Variants in CDH18 observed in about 807,000 individuals in gnomAD.
The protein encoded by CDH18 is cadherin-18.
A neutral mutation model predicts 67.9 loss-of-function variants in CDH18; 31 were observed. The ratio of observed to expected loss-of-function variants is 0.46; its 90% CI spans 0.34 to 0.62. The LOEUF (loss-of-function observed/expected upper bound fraction) is 0.62. Ranked by LOEUF, CDH18 falls within the 20% of genes least tolerant of loss-of-function variation. The probability of loss-of-function intolerance (pLI) is 0.01; values close to 1 mark genes in which losing one functional copy is unlikely to be tolerated. For synonymous variants in CDH18, 362 were observed against 347.2 expected, an observed-to-expected ratio of 1.04 and a Z score of -0.48; for missense variants, 890 against 975.5, an observed-to-expected ratio of 0.91 and a Z score of 1.17.
chr5:19,946,449 T>C (rs189471528), intron 2 of CDH18, among the ~76,000 whole-genome samples: 126 of 152,288 alleles, frequency 8.3e-4, no homozygotes, highest in Admixed American at 1.8e-3. Flanking sequence ...ATAGACTGTG[T>C]TACTCCTTAT....
At chr5:20,324,719 G>A (rs1485666318) in intron 1 of CDH18, among the ~76,000 whole-genome samples, 3 of 152,150 alleles carry the variant, frequency 2.0e-5, no homozygotes, top group African/African-American at 7.2e-5. Context: ...GTTCTATGTT[G>A]TTTACAGTCC....
chr5:19,784,577 A>G (rs1390177712), intron 3 of CDH18, among the ~76,000 whole-genome samples: 5 of 152,138 alleles, frequency 3.3e-5, no homozygotes, highest in Non-Finnish European at 7.4e-5. Context: ...TCTTGTGTAC[A>G]TGTGATTTTT....
intron 5 of CDH18, among the ~76,000 whole-genome samples, chr5:19,716,147 A>G (rs182623101): frequency 6.6e-6 from 1 of 152,174 alleles, no homozygotes. Context: ...AGGAGACAAG[A>G]TAACTTGAGT....
chr5:20,394,381 G>A (rs1253230545), intron 1 of CDH18, among the ~76,000 whole-genome samples: 1 of 151,964 alleles, frequency 6.6e-6, no homozygotes, highest in Non-Finnish European at 1.5e-5. Flanking sequence ...ATCCTGCAGA[G>A]GAATAAATTT....
At chr5:19,607,405 A>T (rs1466467328) in intron 6 of CDH18, among the ~76,000 whole-genome samples, 2 of 151,446 alleles carry the variant, frequency 1.3e-5, no homozygotes, top group Non-Finnish European at 3.0e-5. Flanking sequence ...TTTTAAAGTC[A>T]TTCTATTTTC....
intron 2 of CDH18, among the ~76,000 whole-genome samples, chr5:20,098,582 T>C (rs182987406): frequency 6.6e-6 from 1 of 152,248 alleles, no homozygotes; most frequent in Admixed American, 6.5e-5. Flanking sequence ...AAATGTGCCA[T>C]GAAATATCCA....
At chr5:19,498,503 C>G (rs1046409926) in intron 11 of CDH18, among the ~76,000 whole-genome samples, 8 of 152,198 alleles carry the variant, frequency 5.3e-5, no homozygotes, top group Non-Finnish European at 1.2e-4. Context: ...CACTTCCTTG[C>G]TCACAATCCA....
intron 2 of CDH18, among the ~76,000 whole-genome samples, chr5:19,859,063 A>C (rs1438441885): frequency 6.6e-6 from 1 of 152,246 alleles, no homozygotes; most frequent in South Asian, 2.1e-4. Flanking sequence ...GTATATACCC[A>C]AAAAAACCAT....
chr5:19,497,051 A>T (rs1029030810), intron 11 of CDH18, among the ~76,000 whole-genome samples: 1 of 152,068 alleles, frequency 6.6e-6, no homozygotes, highest in Non-Finnish European at 1.5e-5. Flanking sequence ...AACATGTGAC[A>T]TTCAATAAAA....
chr5:20,495,327 T>G (rs979288400), intron 1 of CDH18, among the ~76,000 whole-genome samples: 4 of 152,044 alleles, frequency 2.6e-5, no homozygotes, highest in Non-Finnish European at 5.9e-5. Context: ...TTTAATGTGT[T>G]CACAAATCAA....
At chr5:20,131,825 C>T (rs182239132) in intron 2 of CDH18, among the ~76,000 whole-genome samples, 119 of 152,148 alleles carry the variant, frequency 7.8e-4, no homozygotes, top group African/African-American at 2.7e-3. Context: ...TTACTTTACA[C>T]TTTATTCTGT....
chr5:20,534,762 C>T (rs1756615419), intron 1 of CDH18, among the ~76,000 whole-genome samples: 1 of 151,886 alleles, frequency 6.6e-6, no homozygotes, highest in South Asian at 2.1e-4. Context: ...GAAACCTGAA[C>T]ATCAAAATTA....
At chr5:20,203,383 C>T (rs1739601935) in intron 2 of CDH18, among the ~76,000 whole-genome samples, 1 of 152,162 alleles carries the variant, frequency 6.6e-6, no homozygotes, top group Non-Finnish European at 1.5e-5. Context: ...TCCACAGCAT[C>T]ACACTTGAGG....
At chr5:19,520,574 G>A in intron 10 of CDH18, 83 bp downstream of exon 10, 4 of 1,184,518 alleles carry the variant, frequency 3.4e-6, no homozygotes, top group Non-Finnish European at 4.6e-6. Context: ...GTGGGCTTTG[G>A]GGGATTATAC....
intron 2 of CDH18, among the ~76,000 whole-genome samples, chr5:19,994,626 T>C (rs1290963782): frequency 7.0e-6 from 1 of 143,650 alleles, no homozygotes; most frequent in Admixed American, 7.1e-5. Flanking sequence ...AAAGATTAAT[T>C]AGTTCCTCAC....
At chr5:20,196,450 A>C (rs2126735734) in intron 2 of CDH18, among the ~76,000 whole-genome samples, 1 of 152,276 alleles carries the variant, frequency 6.6e-6, no homozygotes, top group South Asian at 2.1e-4. Flanking sequence ...CAGGCAGTCT[A>C]ATTCTGGGAT....
At position 20,389,964 on chromosome 5, in the gene CDH18, T is replaced by A. The variant is rs1365193058; in HGVS notation, c.-579-134459A>T. Among the ~76,000 whole-genome samples the A allele has an allele frequency of 3.9e-5, 6 of 152,302 alleles. No individual in the cohort carries two copies. In the East Asian group the frequency reaches 9.7e-4, roughly 25 times the overall value. ...AGAAAGCTGAAACTGGATCCCTTCC[T>A]TACACCTTATACAAAAATTAATTCA... On this transcript the variant is annotated intron_variant, in intron 1 of 14. Coordinates refer to the CDH18 transcript ENST00000507958.
intron 1 of CDH18, chr5:20,305,395 T>A (rs1736329632): frequency 6.5e-7 from 1 of 1,548,976 alleles, no homozygotes; most frequent in Non-Finnish European, 8.9e-7. Flanking sequence ...CTCTTCAGCT[T>A]CATCTTCTTG....
At chr5:19,955,050 A>G (rs533641659) in intron 2 of CDH18, among the ~76,000 whole-genome samples, 1 of 152,180 alleles carries the variant, frequency 6.6e-6, no homozygotes, top group South Asian at 2.1e-4. Context: ...TGCTCTCATG[A>G]TAGTGAATGC....
Sources: gnomAD v4.1 joint callset for allele counts (sites outside exome capture counted in the v4.1 genomes callset) on GRCh38, gnomAD v4.1.1 for gene constraint, MANE v1.5 for transcripts, NCBI Gene and HGNC (gene_info 2026-07-23, HGNC 2026-07-21) for gene names.